PTPRD: variants seen among roughly 807,000 people sequenced by gnomAD.
The protein encoded by PTPRD is receptor-type tyrosine-protein phosphatase delta.
In PTPRD, 34 loss-of-function variants were observed where a neutral mutation model predicts 214.5. That is an observed-to-expected ratio of 0.16 (90% CI 0.12 to 0.21). The LOEUF (loss-of-function observed/expected upper bound fraction) is 0.21. PTPRD is among the 10% of genes least tolerant of loss of function. PTPRD has a pLI of 1.00. For synonymous variants in PTPRD, 1,128 were observed against 845.7 expected, an observed-to-expected ratio of 1.33 and a Z score of -5.79; for missense variants, 2,545 against 2,398.7, an observed-to-expected ratio of 1.06 and a Z score of -1.27.
At chr9:9,064,704 G>A (rs1458750840) in intron 10 of PTPRD, among the ~76,000 whole-genome samples, 2 of 152,200 alleles carry the variant, frequency 1.3e-5, no homozygotes, top group Non-Finnish European at 2.9e-5. Context: ...ACAGCAATCT[G>A]TGGTATGAAG....
At chr9:10,168,403 T>C (rs1345636155) in intron 3 of PTPRD, among the ~76,000 whole-genome samples, 14 of 152,132 alleles carry the variant, frequency 9.2e-5, no homozygotes, top group Admixed American at 8.5e-4. Flanking sequence ...TACACTATTA[T>C]CTGCAGCACA....
intron 3 of PTPRD, among the ~76,000 whole-genome samples, chr9:10,200,487 A>G (rs2099415457): frequency 6.6e-6 from 1 of 152,134 alleles, no homozygotes; most frequent in African/African-American, 2.4e-5. Context: ...CTAGGCCAAA[A>G]TATTAATAGT....
intron 8 of PTPRD, among the ~76,000 whole-genome samples, chr9:9,548,028 A>G (rs925043032): frequency 2.0e-5 from 3 of 152,056 alleles, no homozygotes; most frequent in Admixed American, 6.6e-5. Context: ...AAAGAAAAAC[A>G]CTGCTGTCCA....
At chr9:10,177,173 G>A (rs2099253639) in intron 3 of PTPRD, among the ~76,000 whole-genome samples, 1 of 152,006 alleles carries the variant, frequency 6.6e-6, no homozygotes, top group East Asian at 1.9e-4. Context: ...TGGTTTCATC[G>A]TGGAGTGCTT....
At position 8,939,239 on chromosome 9, in the gene PTPRD, A is replaced by C. The variant is rs181472609; in HGVS notation, c.-104+79458T>G. On this transcript the variant is annotated intron_variant, in intron 11 of 45. Transcript: ENST00000381196. ...AATGGAGATACTTTCCATTACTACC[A>C]CTGATGTTTATTTGAACAGCTCATT... Among the ~76,000 whole-genome samples, 681 of 152,212 alleles carry C rather than the reference A, an allele frequency of 4.5e-3. 2 individuals carry two copies. The highest frequency in any genetic ancestry group is 0.016 in the African/African-American group (659 of 41,534).
intron 10 of PTPRD, among the ~76,000 whole-genome samples, chr9:9,087,607 A>C (rs1289197497): frequency 2.6e-5 from 4 of 152,166 alleles, no homozygotes; most frequent in Admixed American, 2.0e-4. Flanking sequence ...AGTTACTTAC[A>C]TTGTGCTAGA....
intron 2 of PTPRD, among the ~76,000 whole-genome samples, chr9:10,390,755 T>C (rs1677124894): frequency 6.6e-6 from 1 of 151,944 alleles, no homozygotes; most frequent in East Asian, 2.0e-4. Flanking sequence ...ATAGACTAAT[T>C]CCCCAGGCTT....
intron 3 of PTPRD, among the ~76,000 whole-genome samples, chr9:10,223,127 T>C (rs1337890128): frequency 6.6e-6 from 1 of 151,958 alleles, no homozygotes; most frequent in Non-Finnish European, 1.5e-5. Context: ...TTTTGTTTTG[T>C]TCCTTCTTTT....
At chr9:9,774,157 T>A (rs1272258254) in intron 5 of PTPRD, among the ~76,000 whole-genome samples, 4 of 152,208 alleles carry the variant, frequency 2.6e-5, no homozygotes, top group Non-Finnish European at 5.9e-5. Flanking sequence ...GGTCACAGTG[T>A]GCCCCGCAGC....
At chr9:8,577,810 T>A (rs2154247119) in intron 14 of PTPRD, among the ~76,000 whole-genome samples, 1 of 152,216 alleles carries the variant, frequency 6.6e-6, no homozygotes, top group Non-Finnish European at 1.5e-5. Context: ...CGGGCCCTAC[T>A]CAAGACCCGC....
At chr9:8,838,083 A>G (rs181623536) in intron 11 of PTPRD, among the ~76,000 whole-genome samples, 14 of 152,288 alleles carry the variant, frequency 9.2e-5, no homozygotes, top group Admixed American at 8.5e-4. Context: ...ATCTCTAAGA[A>G]AATCTTAAGG....
chr9:8,954,038 G>A (rs1362545841), intron 11 of PTPRD, among the ~76,000 whole-genome samples: 1 of 151,974 alleles, frequency 6.6e-6, no homozygotes, highest in Non-Finnish European at 1.5e-5. Flanking sequence ...AAGGACACAT[G>A]CACTCATATG....
chr9:9,055,059 G>C (rs965814542), intron 10 of PTPRD, among the ~76,000 whole-genome samples: 2 of 152,122 alleles, frequency 1.3e-5, no homozygotes, highest in Admixed American at 6.5e-5. Flanking sequence ...GGTGACAGTA[G>C]ATATTGGTGC....
At chr9:9,269,219 T>A (rs1941678257) in intron 9 of PTPRD, among the ~76,000 whole-genome samples, 1 of 151,306 alleles carries the variant, frequency 6.6e-6, no homozygotes, top group African/African-American at 2.4e-5. Flanking sequence ...AACAGACATT[T>A]TCAGGTTATG....
intron 10 of PTPRD, among the ~76,000 whole-genome samples, chr9:9,051,860 T>C (rs190520411): frequency 2.6e-5 from 4 of 152,302 alleles, no homozygotes; most frequent in Admixed American, 2.6e-4. Flanking sequence ...CTGGTCAAAA[T>C]TCTATATTCC....
chr9:9,568,029 T>C (rs1305508481), intron 8 of PTPRD, among the ~76,000 whole-genome samples: 1 of 151,750 alleles, frequency 6.6e-6, no homozygotes, highest in Admixed American at 6.6e-5. Flanking sequence ...TGAGGGATTC[T>C]GGCCAAGGAC....
rs760713741 is a variant in PTPRD, at chr9:8,633,400, G to A, written c.269C>T (p.Pro90Leu). 7 of 1,612,656 alleles carry A rather than the reference G, an allele frequency of 4.3e-6. No individual in the cohort carries two copies. The highest frequency in any genetic ancestry group is 5.1e-6 in the Non-Finnish European group (6 of 1,179,080). The change falls in exon 14 of 46, where the codon CCG (proline) becomes CTG (leucine). Residue 90 changes from proline to leucine, a missense_variant. Pro to Leu is a moderately conservative substitution (Grantham distance 98). Coordinates refer to ENST00000381196, the MANE Select transcript of PTPRD (RefSeq NM_002839.4). ...ACATTCATAAATGGCCTCATCCCTC[G>A]GAGTCCGTAAGGGTTGTATTCTGAG... ...SVLRIQPLRT[P>L]RDEAIYECVA...
At chr9:9,284,841 A>G (rs1948861958) in intron 9 of PTPRD, among the ~76,000 whole-genome samples, 2 of 151,780 alleles carry the variant, frequency 1.3e-5, no homozygotes, top group South Asian at 4.1e-4. Context: ...CCAAATGTGG[A>G]CAATAATGCT....
chr9:8,527,872 G>A (rs1176187619), intron 15 of PTPRD, among the ~76,000 whole-genome samples: 1 of 152,120 alleles, frequency 6.6e-6, no homozygotes, highest in Non-Finnish European at 1.5e-5. Flanking sequence ...TCACTGGAGG[G>A]TTCAAAAACC....
Sources: allele counts gnomAD v4.1 joint callset (sites outside exome capture counted in the v4.1 genomes callset), GRCh38; gene constraint gnomAD v4.1.1; transcripts MANE v1.5; gene names NCBI Gene and HGNC (gene_info 2026-07-23, HGNC 2026-07-21).